Variants in TRIO observed in about 807,000 individuals in gnomAD.
TRIO encodes trio Rho guanine nucleotide exchange factor.
Under a neutral mutation model 351.9 loss-of-function variants are expected in TRIO, and 58 were observed. That is an observed-to-expected ratio of 0.16 (90% CI 0.13 to 0.21). The LOEUF (loss-of-function observed/expected upper bound fraction) is 0.21, where lower values mean the gene tolerates loss of function less well. Ranked by LOEUF, TRIO falls within the 10% of genes least tolerant of loss-of-function variation. The pLI, the probability that TRIO is intolerant of heterozygous loss-of-function variation, is 1.00. For synonymous variants in TRIO, 1,758 were observed against 1,595.7 expected (o/e 1.10, Z -2.42); for missense variants, 3,201 against 4,027.8 (o/e 0.79, Z 5.56).
At chr5:14,224,753 G>A (rs1792874104) in intron 1 of TRIO, among the ~76,000 whole-genome samples, 1 of 152,044 alleles carries the variant, frequency 6.6e-6, no homozygotes, top group Non-Finnish European at 1.5e-5. Context: ...AATGGATCTA[G>A]GCATGGAAGT....
intron 8 of TRIO, among the ~76,000 whole-genome samples, chr5:14,306,951 A>G (rs377683804): frequency 1.3e-5 from 2 of 152,310 alleles, no homozygotes; most frequent in African/African-American, 4.8e-5. Flanking sequence ...CAGCCTCTCA[A>G]ACTGAGGTCT....
At chr5:14,279,357 G>T (rs899869103) in intron 2 of TRIO, among the ~76,000 whole-genome samples, 3 of 151,370 alleles carry the variant, frequency 2.0e-5, no homozygotes, top group African/African-American at 7.3e-5. Context: ...AATCTTCTGG[G>T]TTTTTTTTTA....
chr5:14,242,214 G>A (rs1794168766), intron 1 of TRIO, among the ~76,000 whole-genome samples: 1 of 152,208 alleles, frequency 6.6e-6, no homozygotes, highest in Non-Finnish European at 1.5e-5. Context: ...CTGGACTACT[G>A]CAGTCTACTT....
chr5:14,359,006 T>A (rs1358526469), intron 12 of TRIO, among the ~76,000 whole-genome samples: 6 of 152,240 alleles, frequency 3.9e-5, no homozygotes, highest in Non-Finnish European at 7.3e-5. Context: ...ACCTCTCGTG[T>A]CCAATATGAC....
intron 4 of TRIO, among the ~76,000 whole-genome samples, chr5:14,287,445 A>C (rs991260245): frequency 6.6e-6 from 1 of 152,230 alleles, no homozygotes; most frequent in Non-Finnish European, 1.5e-5. Flanking sequence ...AGGGAATGTT[A>C]GGGAGAAATG....
chr5:14,412,444 C>A (rs1337873227), intron 33 of TRIO, among the ~76,000 whole-genome samples: 1 of 152,210 alleles, frequency 6.6e-6, no homozygotes, highest in African/African-American at 2.4e-5. Flanking sequence ...TGGCCTAATT[C>A]ACCATCTTGG....
chr5:14,189,252 C>T (rs1790316896), intron 1 of TRIO, among the ~76,000 whole-genome samples: 1 of 152,180 alleles, frequency 6.6e-6, no homozygotes, highest in Admixed American at 6.5e-5. Context: ...GTACTTGGAG[C>T]ATCTGTCCAC....
chr5:14,492,514 G>A, intron 48 of TRIO, 53 bp from the exon 49 acceptor site: 1 of 1,593,696 alleles, frequency 6.3e-7, no homozygotes, highest in Admixed American at 1.7e-5. Flanking sequence ...ATGTGATCAG[G>A]TCTCGTTTCA....
intron 11 of TRIO, among the ~76,000 whole-genome samples, chr5:14,340,012 G>A (rs1463071354): frequency 6.6e-6 from 1 of 152,178 alleles, no homozygotes; most frequent in Non-Finnish European, 1.5e-5. Context: ...TCAGATGAAC[G>A]AAAAATTGCT....
At chr5:14,215,042 G>A (rs1197139596) in intron 1 of TRIO, among the ~76,000 whole-genome samples, 2 of 152,204 alleles carry the variant, frequency 1.3e-5, no homozygotes, top group Non-Finnish European at 2.9e-5. Context: ...TGTTTACCAT[G>A]TGTAATTTAA....
intron 1 of TRIO, among the ~76,000 whole-genome samples, chr5:14,252,725 C>A (rs974646768): frequency 2.6e-5 from 4 of 152,140 alleles, no homozygotes; most frequent in Non-Finnish European, 5.9e-5. Context: ...ATTTTTAAAC[C>A]AGAGGGCATC....
chr5:14,405,764 G>A (rs1748650385), intron 31 of TRIO, 84 bp from the exon 32 acceptor site: 17 of 1,461,422 alleles, frequency 1.2e-5, no homozygotes, highest in Admixed American at 4.3e-5. Flanking sequence ...AGAAACTCAA[G>A]GAATGCAGGA....
chr5:14,437,689 C>G (rs376926496), intron 34 of TRIO, among the ~76,000 whole-genome samples: 9 of 135,816 alleles, frequency 6.6e-5, no homozygotes, highest in East Asian at 2.0e-4. Flanking sequence ...GAGGACCACC[C>G]CCCCCGCCCC....
At chr5:14,320,498 C>T (rs991113722) in intron 9 of TRIO, among the ~76,000 whole-genome samples, 2 of 152,160 alleles carry the variant, frequency 1.3e-5, no homozygotes, top group African/African-American at 2.4e-5. Context: ...GCAAAGCCCC[C>T]GTTTCCCCCA....
intron 1 of TRIO, among the ~76,000 whole-genome samples, chr5:14,215,708 T>C (rs767535573): frequency 6.6e-6 from 1 of 152,216 alleles, no homozygotes; most frequent in Non-Finnish European, 1.5e-5. Flanking sequence ...TGTGAGATCT[T>C]GCTTGTATGT....
chr5:14,193,472 G>A (rs906121701), intron 1 of TRIO, among the ~76,000 whole-genome samples: 3 of 152,062 alleles, frequency 2.0e-5, no homozygotes, highest in Middle Eastern at 3.2e-3. Flanking sequence ...ACATTAACCT[G>A]TTTCCTTTTA....
At chr5:14,347,614 G>A (rs549465548) in intron 11 of TRIO, among the ~76,000 whole-genome samples, 8 of 152,336 alleles carry the variant, frequency 5.3e-5, no homozygotes, top group Admixed American at 6.5e-5. Flanking sequence ...AATTTCCAGC[G>A]TATAGCAAGG....
At chr5:14,358,464 C>A in intron 12 of TRIO, 117 bp downstream of exon 12, 3 of 1,189,314 alleles carry the variant, frequency 2.5e-6, no homozygotes, top group South Asian at 1.7e-5. Flanking sequence ...GAGTGCAGAG[C>A]TAGTAGTGTC....
intron 34 of TRIO, among the ~76,000 whole-genome samples, chr5:14,456,457 C>T (rs1156561838): frequency 6.6e-6 from 1 of 152,246 alleles, no homozygotes; most frequent in African/African-American, 2.4e-5. Context: ...GGGCTCTGAC[C>T]ACAGGGCTCG....
Sources: allele counts gnomAD v4.1 joint callset (sites outside exome capture counted in the v4.1 genomes callset), GRCh38; gene constraint gnomAD v4.1.1; transcripts MANE v1.5; gene names NCBI Gene and HGNC (gene_info 2026-07-23, HGNC 2026-07-21).